The following TBX3 variants were observed in gnomAD, a reference collection of about 807,000 sequenced individuals.
TBX3 encodes the protein T-box transcription factor TBX3.
TBX3 carries 11 observed loss-of-function variants against 47.8 expected under a neutral mutation model. The observed-to-expected ratio is 0.23, with a 90% CI of 0.14 to 0.38. The LOEUF (loss-of-function observed/expected upper bound fraction) is 0.38, where lower values mean the gene tolerates loss of function less well. Ranked by LOEUF, TBX3 falls within the 10% of genes least tolerant of loss-of-function variation. The probability of loss-of-function intolerance (pLI) is 1.00; values close to 1 mark genes in which losing one functional copy is unlikely to be tolerated. For missense variants in TBX3, 927 were observed against 1,022.8 expected, an observed-to-expected ratio of 0.91 and a Z score of 1.28; for synonymous variants, 500 against 449.3, an observed-to-expected ratio of 1.11 and a Z score of -1.43.
In TBX3 at chr12:114,683,284, G is replaced by A; in HGVS notation, c.-84C>T. ...GTTGTTTTTTTGTTGTTGTTTAACA[G>A]CAGCACATAATTCAAAAGGGGGGAA... On this transcript the variant is annotated 5_prime_UTR_variant, in exon 1 of 7. Coordinates refer to ENST00000349155, the MANE Select transcript of TBX3 (RefSeq NM_005996.4). This position sits in a 1 kb window ranked among gnomAD's most constrained non-coding sequence, Gnocchi z 7.7. 6.5e-7 allele frequency: 1 copy of A among 1,545,122 alleles called. No individual in the cohort carries two copies. The highest frequency in any genetic ancestry group is 1.4e-5 in the African/African-American group (1 of 72,610).
rs1193666185 is a variant in TBX3 at position 114,684,108 on chromosome 12, G to C, written c.-908C>G. ...AGAGAGAGAGAGACGGAGTCGGAGA[G>C]GGAGGGAGCGAGAGAAAGCGAGAGC... On this transcript the variant is annotated 5_prime_UTR_variant, in exon 1 of 7. Coordinates refer to ENST00000349155, the MANE Select transcript of TBX3 (RefSeq NM_005996.4). 1 of 231,770 alleles carries C rather than the reference G, an allele frequency of 4.3e-6. No homozygotes were observed. The highest frequency in any genetic ancestry group is 2.2e-5 in the African/African-American group (1 of 45,046). The allele number at this position is 231,770 out of a possible 1,614,324, so 14.4% of individuals were successfully genotyped here.
At chr12:114,680,700 C>T in intron 2 of TBX3, 179 bp downstream of exon 2, 1 of 901,780 alleles carries the variant, frequency 1.1e-6, no homozygotes, top group Non-Finnish European at 1.8e-6. Context: ...TTTTAGAACG[C>T]CAGGCCTTCC....
Position 114,680,979 on chromosome 12 carries a change from A to G in TBX3, c.557T>C (p.Ile186Thr). The G allele has an allele frequency of 6.2e-7, 1 of 1,614,152 alleles. No homozygotes were observed. Among genetic ancestry groups the G allele is most frequent in the South Asian group, 1.1e-5 (1 of 91,076 alleles). The change falls in exon 2 of 7, where the codon ATT (isoleucine) becomes ACT (threonine). Residue 186 changes from isoleucine (I) to threonine (T), a missense_variant. By Grantham distance (89) the Ile-to-Thr change is moderately conservative (BLOSUM62 -1). Transcript: ENST00000349155. ...CCCAGTAGCGGGGCTGTCCGGGTGA[A>G]TGTACATCCTCTTTGGCATTTCGGG... The part of the protein sequence containing the change: ...ADPEMPKRMY[I>T]HPDSPATGEQ...
chr12:114,670,933 T>C lies in TBX3; in HGVS notation c.*908A>G, dbSNP rs1188908652. The C allele has an allele frequency of 4.7e-6, 1 of 213,830 alleles. No homozygotes were observed. The highest frequency in any genetic ancestry group is 9.4e-6 in the Non-Finnish European group (1 of 105,954). 13.2% of individuals were successfully genotyped at this position (213,830 alleles called of 1,614,324 possible). On this transcript the variant is annotated 3_prime_UTR_variant, in exon 7 of 7. Coordinates refer to ENST00000349155, the MANE Select transcript of TBX3 (RefSeq NM_005996.4). ...AGTTATCAAATAATTACATAAATAC[T>C]TTGTCTAATAGTCTCACTTCTTTAT...
chr12:114,677,367 G>A (rs550354552), intron 4 of TBX3, among the ~76,000 whole-genome samples: 26 of 152,254 alleles, frequency 1.7e-4, no homozygotes, highest in African/African-American at 6.0e-4. Context: ...GATAAGTATG[G>A]TGTAGCCTAG....
intron 2 of TBX3, 48 bp downstream of exon 2, chr12:114,680,818 GCACTGCCTTTGAC>G (rs1464208978): frequency 6.2e-7 from 1 of 1,606,664 alleles, no homozygotes; most frequent in Non-Finnish European, 8.5e-7. Context: ...GAAATGGGAA[GCACTGCCTTTGAC>G]TGAGTGAAGG....
intron 2 of TBX3, 148 bp from the exon 3 acceptor site, chr12:114,679,799 C>T (rs7134236): frequency 5.4e-5 from 82 of 1,525,396 alleles, no homozygotes; most frequent in South Asian, 4.4e-4. Flanking sequence ...CCCCTGGGTA[C>T]GTTTCGCTCC....
rs1869030529 is a variant in TBX3, at chr12:114,683,308, A to G, written c.-108T>C. 1.4e-5 allele frequency: 20 copies of G among 1,437,484 alleles called. No individual in the cohort carries two copies. The highest frequency in any genetic ancestry group is 1.0e-4 in the South Asian group (8 of 77,972). 89.0% of individuals were successfully genotyped at this position (1,437,484 alleles called of 1,614,324 possible). ...AGCAGCACATAATTCAAAAGGGGGG[A>G]AAAAGCAAAACAAAAAAGAAAGAAA... On this transcript the variant is annotated 5_prime_UTR_variant, in exon 1 of 7. Coordinates refer to ENST00000349155, the MANE Select transcript of TBX3 (RefSeq NM_005996.4). This position sits in a 1 kb window ranked among gnomAD's most constrained non-coding sequence, Gnocchi z 7.7.
chr12:114,679,724 G>C, intron 2 of TBX3, 73 bp from the exon 3 acceptor site: 9 of 1,605,956 alleles, frequency 5.6e-6, no homozygotes, highest in Non-Finnish European at 6.0e-6. Context: ...TAGGACCCCT[G>C]CCAGGCTGAA....
Position 114,674,613 on chromosome 12 carries a change from G to A in TBX3, c.1262C>T (p.Thr421Ile). The change falls in exon 6 of 7, where the codon ACC (threonine) becomes ATC (isoleucine). Residue 421 changes from threonine (T) to isoleucine (I), a missense_variant. This residue lies in a region of TBX3 where 623 missense variants were observed against 569.0 expected (regional missense o/e 1.09). Coordinates refer to ENST00000349155, the MANE Select transcript of TBX3 (RefSeq NM_005996.4). ...CAGGCCGCGAGTGCTGGACGAGATG[G>A]TGGCGGGGCTATGGCGTGAGTCGGG... ...ASPDSRHSPA[T>I]ISSSTRGLGA... 1.9e-6 allele frequency: 3 copies of A among 1,602,482 alleles called. No homozygotes were observed. The highest frequency in any genetic ancestry group is 2.6e-6 in the Non-Finnish European group (3 of 1,176,018).
In TBX3 at chr12:114,681,095, G is replaced by C; in HGVS notation, c.441C>G (p.Ala147=). 6.2e-7 allele frequency: 1 copy of C among 1,613,710 alleles called. No individual in the cohort carries two copies. Residue 147 remains alanine, a synonymous_variant, in exon 2 of 7, where the codon GCC becomes GCG. Coordinates refer to ENST00000349155, the MANE Select transcript of TBX3 (RefSeq NM_005996.4). ...KVRCSGLDKK[A]KYILLMDIIA... ...TAATGTCCATCAATAAAATGTATTT[G>C]GCTTTTTTATCCAGCCCAGAACATC...
At chr12:114,673,855 G>A (rs80010749) in intron 6 of TBX3, among the ~76,000 whole-genome samples, 4,916 of 152,304 alleles carry the variant, frequency 0.032, 264 homozygotes, top group African/African-American at 0.11. Context: ...GGTCAAATGA[G>A]TCAATACAGA....
At position 114,679,535 on chromosome 12, in the gene TBX3, G is replaced by A. The variant is rs1868840718; in HGVS notation, c.774C>T (p.Phe258=). 1 of 1,614,108 alleles carries A rather than the reference G, an allele frequency of 6.2e-7. No individual in the cohort carries two copies. The highest frequency in any genetic ancestry group is 1.1e-5 in the South Asian group (1 of 91,084). Residue 258 remains phenylalanine (F), a synonymous_variant, in exon 3 of 7, where the codon TTC becomes TTT. Transcript: ENST00000349155. Reference sequence around the variant, plus strand: ...CATTCTGGTATGCAGTCACAGCGATGAATTCAGTTTCGGGGAACAAGTATG... The same window carrying A: ...CATTCTGGTATGCAGTCACAGCGATAAATTCAGTTTCGGGGAACAAGTATG... ...FRTYLFPETE[F]IAVTAYQNDK... is the part of the protein sequence containing the mutation.
chr12:114,680,042 G>A, intron 2 of TBX3: 1 of 1,519,118 alleles, frequency 6.6e-7, no homozygotes, highest in Non-Finnish European at 9.1e-7. Flanking sequence ...CCCACTAATT[G>A]ACGAGCCCAA....
rs762528344 is a variant in TBX3, at chr12:114,674,762, G to C, written c.1113C>G (p.Asp371Glu). ...SKEEHGPEAC[D>E]AAKISTTTSE... ...ACGTGGTGGTGGAGATCTTGGCCGC[G>C]TCGCAGGCCTCGGGGCCATGCTCCT... Residue 371 changes from aspartate to glutamate, a missense_variant, in exon 6 of 7, where the codon GAC becomes GAG. By Grantham distance (45) the Asp-to-Glu change is conservative (BLOSUM62 2). Transcript: ENST00000349155. The C allele has an allele frequency of 1.3e-6, 2 of 1,590,096 alleles. No individual in the cohort carries two copies. Among genetic ancestry groups the C allele is most frequent in the Non-Finnish European group, 1.7e-6 (2 of 1,173,308 alleles).
At position 114,683,006 on chromosome 12, in the gene TBX3, C is replaced by A. The variant is rs1194543955; in HGVS notation, c.195G>T (p.Met65Ile). 3 of 1,613,672 alleles carry A rather than the reference C, an allele frequency of 1.9e-6. No individual in the cohort carries two copies. The highest frequency in any genetic ancestry group is 2.5e-6 in the Non-Finnish European group (3 of 1,179,788). The change falls in exon 1 of 7, where the codon ATG (methionine) becomes ATT (isoleucine). Residue 65 changes from methionine to isoleucine, a missense_variant. By Grantham distance (10) the Met-to-Ile change is conservative (BLOSUM62 1). Coordinates refer to ENST00000349155, the MANE Select transcript of TBX3 (RefSeq NM_005996.4). This position sits in a 1 kb window ranked among gnomAD's most constrained non-coding sequence, Gnocchi z 7.7. Reference protein sequence around the residue: ...SLPGALAKPIMDQLVGAAETG... With the variant: ...SLPGALAKPIIDQLVGAAETG... ...TCTCGGCCGCCCCCACCAATTGATC[C>A]ATGATCGGCTTGGCCAGGGCGCCCG...
In TBX3 at chr12:114,674,291, C is replaced by A; in HGVS notation, c.1584G>T (p.Gly528=). The A allele has an allele frequency of 1.3e-6, 2 of 1,580,718 alleles. No individual in the cohort carries two copies. Among genetic ancestry groups the A allele is most frequent in the Non-Finnish European group, 1.7e-6 (2 of 1,163,686 alleles). ...CCAGGCCCGAGACACCGGTGGAGGC[C>A]CCAGAAACCGTGGCCAGGAGGGGAC... ...GMGPLLATVS[G]ASTGVSGLDS... The change falls in exon 6 of 7, where the codon GGG becomes GGT. Residue 528 remains glycine (G), a synonymous_variant. Transcript: ENST00000349155.
chr12:114,683,214 G>GGC lies in TBX3; in HGVS notation c.-16_-15dup. 6.2e-7 allele frequency: 1 copy of GGC among 1,607,426 alleles called. No individual in the cohort carries two copies. The highest frequency in any genetic ancestry group is 8.5e-7 in the Non-Finnish European group (1 of 1,176,168). On this transcript the variant is annotated 5_prime_UTR_variant, in exon 1 of 7. Transcript: ENST00000349155. This position sits in a 1 kb window ranked among gnomAD's most constrained non-coding sequence, Gnocchi z 7.7. Reference sequence around the variant, plus strand: ...GGAGAGGCTCATCCACTCCAGGCGGGGCGCTGGGCTCCAGCCGGGGACAAG... The same window carrying GGC: ...GGAGAGGCTCATCCACTCCAGGCGGGGCGCGCTGGGCTCCAGCCGGGGACAAG...
chr12:114,675,685 T>A (rs1868680629), intron 5 of TBX3, among the ~76,000 whole-genome samples: 1 of 151,456 alleles, frequency 6.6e-6, no homozygotes, highest in Admixed American at 6.6e-5. Context: ...TCTTTCCAAA[T>A]AAATACTGCT....
Sources: allele counts gnomAD v4.1 joint callset (sites outside exome capture counted in the v4.1 genomes callset), GRCh38; gene constraint gnomAD v4.1.1; regional missense constraint gnomAD v4.1.1; non-coding constraint Gnocchi (gnomAD v3.1); transcripts MANE v1.5; gene names NCBI Gene and HGNC (gene_info 2026-07-23, HGNC 2026-07-21).